DMRT1: variants seen among roughly 807,000 people sequenced by gnomAD.
DMRT1 encodes doublesex and mab-3 related transcription factor 1.
Under a neutral mutation model 32.3 loss-of-function variants are expected in DMRT1, and 7 were observed. That is an observed-to-expected ratio of 0.22 (90% CI 0.12 to 0.41). The LOEUF (loss-of-function observed/expected upper bound fraction) is 0.41, where lower values mean the gene tolerates loss of function less well. DMRT1 is among the 10% of genes least tolerant of loss of function. The pLI is 1.00. For synonymous variants in DMRT1, 278 were observed against 206.1 expected (o/e 1.35, Z -2.99); for missense variants, 625 against 500.5 (o/e 1.25, Z -2.37).
chr9:901,524 A>G (rs1817574401), intron 3 of DMRT1, among the ~76,000 whole-genome samples: 2 of 151,198 alleles, frequency 1.3e-5, no homozygotes. Context: ...ACGGGGTTTC[A>G]CCATGTTGGC....
intron 1 of DMRT1, 145 bp downstream of exon 1, chr9:842,337 C>CA (rs1838725544): frequency 6.6e-6 from 7 of 1,065,548 alleles, no homozygotes; most frequent in African/African-American, 1.7e-5. Flanking sequence ...CGGGTTCAAG[C>CA]AATTCTCCTG....
At chr9:843,912 T>C (rs1320581774) in intron 1 of DMRT1, among the ~76,000 whole-genome samples, 3 of 152,208 alleles carry the variant, frequency 2.0e-5, no homozygotes, top group Non-Finnish European at 4.4e-5. Context: ...TTAATAGATT[T>C]TTAAAGCTTA....
chr9:937,621 T>A (rs1317131466), intron 4 of DMRT1, among the ~76,000 whole-genome samples: 1 of 152,244 alleles, frequency 6.6e-6, no homozygotes, highest in African/African-American at 2.4e-5. Context: ...TTTTTTCATG[T>A]GCTTCTTGGC....
chr9:857,868 C>T (rs1411144895), intron 2 of DMRT1, among the ~76,000 whole-genome samples: 2 of 145,948 alleles, frequency 1.4e-5, no homozygotes, highest in Non-Finnish European at 3.0e-5. Flanking sequence ...TGAGTGAGAA[C>T]ATGTGGTGGT....
At chr9:961,767 C>G (rs1026813642) in intron 4 of DMRT1, among the ~76,000 whole-genome samples, 1 of 152,138 alleles carries the variant, frequency 6.6e-6, no homozygotes, top group African/African-American at 2.4e-5. Flanking sequence ...GATTCTGATG[C>G]GTTCAAAAGC....
chr9:861,000 G>A (rs1354098386), intron 2 of DMRT1, among the ~76,000 whole-genome samples: 2 of 151,686 alleles, frequency 1.3e-5, no homozygotes, highest in Non-Finnish European at 2.9e-5. Context: ...TGAATGCAGT[G>A]GACAGCCATT....
At chr9:900,010 C>T (rs1258800567) in intron 3 of DMRT1, among the ~76,000 whole-genome samples, 1 of 152,204 alleles carries the variant, frequency 6.6e-6, no homozygotes, top group Non-Finnish European at 1.5e-5. Flanking sequence ...CGATAAGGCA[C>T]CTCGAAGGAA....
chr9:849,504 G>C (rs951802783), intron 2 of DMRT1, among the ~76,000 whole-genome samples: 1 of 152,232 alleles, frequency 6.6e-6, no homozygotes, highest in Non-Finnish European at 1.5e-5. Flanking sequence ...TAAGATAGTG[G>C]AGCTTTAGAG....
intron 4 of DMRT1, among the ~76,000 whole-genome samples, chr9:924,571 A>G (rs757076220): frequency 1.3e-5 from 2 of 152,050 alleles, no homozygotes; most frequent in Non-Finnish European, 2.9e-5. Context: ...AGTGGGCTGT[A>G]CAAATGAAAA....
At chr9:851,744 C>G (rs1839159416) in intron 2 of DMRT1, among the ~76,000 whole-genome samples, 1 of 152,124 alleles carries the variant, frequency 6.6e-6, no homozygotes, top group Non-Finnish European at 1.5e-5. Context: ...AAGAAAATCT[C>G]TAAAATCTTT....
intron 4 of DMRT1, among the ~76,000 whole-genome samples, chr9:938,341 T>G (rs1440926333): frequency 6.6e-6 from 1 of 152,242 alleles, no homozygotes; most frequent in African/African-American, 2.4e-5. Context: ...GGAAATTGAA[T>G]TGAATCTGTA....
At chr9:917,603 A>G (rs1012754507) in intron 4 of DMRT1, among the ~76,000 whole-genome samples, 11 of 152,312 alleles carry the variant, frequency 7.2e-5, no homozygotes, top group Non-Finnish European at 1.5e-4. Flanking sequence ...AACATACACA[A>G]TAGGCAGTAA....
At chr9:874,631 C>A (rs1816416569) in intron 2 of DMRT1, among the ~76,000 whole-genome samples, 1 of 151,902 alleles carries the variant, frequency 6.6e-6, no homozygotes, top group African/African-American at 2.4e-5. Flanking sequence ...CAAAGCAGTA[C>A]CCCTTTCTTC....
intron 2 of DMRT1, among the ~76,000 whole-genome samples, chr9:888,898 A>G (rs1238276449): frequency 6.6e-6 from 1 of 151,854 alleles, no homozygotes; most frequent in Admixed American, 6.6e-5. Context: ...AGGGTAAGGC[A>G]GGAGGATATC....
intron 3 of DMRT1, among the ~76,000 whole-genome samples, chr9:905,488 C>CTGTGTGTG (rs57056050): frequency 0.53 from 78,308 of 147,620 alleles, 22,876 homozygotes; most frequent in Middle Eastern, 0.7. Flanking sequence ...GTGTGTGTGT[C>CTGTGTGTG]TGTGTGTGTG....
At chr9:889,093 A>G (rs1482147213) in intron 2 of DMRT1, among the ~76,000 whole-genome samples, 5 of 152,168 alleles carry the variant, frequency 3.3e-5, no homozygotes, top group African/African-American at 1.2e-4. Context: ...GTTCCCAGGT[A>G]ATGCTGATGC....
chr9:878,200 G>GCCCCCCCC (rs34336062), intron 2 of DMRT1, among the ~76,000 whole-genome samples: 181 of 94,024 alleles, frequency 1.9e-3, no homozygotes, highest in African/African-American at 3.6e-3. Flanking sequence ...TGCAGCTGCT[G>GCCCCCCCC]CCCCCCCCCC....
At chr9:921,525 G>T (rs778134334) in intron 4 of DMRT1, among the ~76,000 whole-genome samples, 4 of 151,994 alleles carry the variant, frequency 2.6e-5, no homozygotes, top group Non-Finnish European at 4.4e-5. Flanking sequence ...GGAATTGCTG[G>T]GTCCTATGGT....
chr9:851,893 A>G (rs1815153534), intron 2 of DMRT1, among the ~76,000 whole-genome samples: 1 of 151,360 alleles, frequency 6.6e-6, no homozygotes, highest in South Asian at 2.1e-4. Flanking sequence ...AATTCTGTTT[A>G]TTGCTGTTGC....
Sources: gnomAD v4.1 joint callset for allele counts (sites outside exome capture counted in the v4.1 genomes callset) on GRCh38, gnomAD v4.1.1 for gene constraint, MANE v1.5 for transcripts, NCBI Gene and HGNC (gene_info 2026-07-23, HGNC 2026-07-21) for gene names.